Variants in LLGL1 observed in about 807,000 individuals in gnomAD.
LLGL1 encodes LLGL scribble cell polarity complex component 1.
A neutral mutation model predicts 110.6 loss-of-function variants in LLGL1; 58 were observed. That is an observed-to-expected ratio of 0.52 (90% CI 0.42 to 0.65). LLGL1 has a LOEUF of 0.65. LLGL1 is among the 30% of genes least tolerant of loss of function. LLGL1 has a pLI of 0.00. For missense variants in LLGL1, 1,229 were observed against 1,462.1 expected, an observed-to-expected ratio of 0.84 and a Z score of 2.60; for synonymous variants, 674 against 607.2, an observed-to-expected ratio of 1.11 and a Z score of -1.62.
At chr17:18,238,375 G>T (rs1466915191) in intron 15 of LLGL1, 81 bp from the exon 16 acceptor site, 2 of 1,567,170 alleles carry the variant, frequency 1.3e-6, no homozygotes, top group African/African-American at 1.3e-5. Context: ...TAGAGGAATG[G>T]TAACAGAACG....
At chr17:18,233,958 C>T in intron 5 of LLGL1, 22 bp downstream of exon 5, 1 of 1,603,608 alleles carries the variant, frequency 6.2e-7, no homozygotes, top group African/African-American at 1.3e-5. Context: ...GTGGGCTTCC[C>T]AGCACCCACT....
At chr17:18,233,699 C>T (rs896946858) in intron 4 of LLGL1, 79 bp from the exon 5 acceptor site, 4 of 1,469,538 alleles carry the variant, frequency 2.7e-6, no homozygotes, top group African/African-American at 1.4e-5. Context: ...GAGTTATCAG[C>T]AGTGGCCCAG....
intron 2 of LLGL1, among the ~76,000 whole-genome samples, chr17:18,231,422 C>CG (rs994299969): frequency 3.6e-4 from 55 of 152,322 alleles, no homozygotes; most frequent in South Asian, 6.2e-4. Context: ...GTGTTGTCAC[C>CG]GGGGCAACGT....
Position 18,232,618 on chromosome 17 carries a change from A to G in LLGL1, c.261+42A>G, listed in dbSNP as rs149646670. 289 of 1,613,896 alleles carry G rather than the reference A, an allele frequency of 1.8e-4. No homozygotes were observed. In the African/African-American group the frequency reaches 3.6e-3, roughly 20 times the overall value. On this transcript the variant is annotated intron_variant, in intron 3 of 22. Transcript: ENST00000316843. ...CACTAGCCAGCTCCCTGTGGCCCCCATATCTACTCATCCCCCTAGGCCAGC... is the reference window on the plus strand; with the variant it reads ...CACTAGCCAGCTCCCTGTGGCCCCCGTATCTACTCATCCCCCTAGGCCAGC...
Position 18,240,798 on chromosome 17 carries a change from C to G in LLGL1, c.2427C>G (p.Ala809=), listed in dbSNP as rs762170221. ...RGRPLPEPYE[A]SRDLAQAPDM... ...GCCCACTGCCCGAGCCCTACGAGGC[C>G]TCACGGGACCTGGCGCAGGCACCTG... The change falls in exon 17 of 23, where the codon GCC becomes GCG. Residue 809 remains alanine, a synonymous_variant. Coordinates refer to ENST00000316843, the MANE Select transcript of LLGL1 (RefSeq NM_004140.4). The surrounding 1 kb of genome is among the most constrained non-coding windows in gnomAD (Gnocchi z 5.3). 8 of 1,588,616 alleles carry G rather than the reference C, an allele frequency of 5.0e-6. No individual in the cohort carries two copies. The highest frequency in any genetic ancestry group is 6.9e-6 in the Non-Finnish European group (8 of 1,165,706).
chr17:18,232,880 G>T, intron 4 of LLGL1, 78 bp downstream of exon 4: 1 of 1,583,208 alleles, frequency 6.3e-7, no homozygotes, highest in South Asian at 1.1e-5. Context: ...CTGTGCAAAG[G>T]CAGCATGGAG....
rs773108580 is a variant in LLGL1 at position 18,240,327 on chromosome 17, G to A, written c.2207-251G>A. ...CTGTGCAGATGCGCTACAGCTGTTC[G>A]GGCCTCTGCAGGAGGGCTGCATCCT... is the stretch of plus-strand genomic sequence containing the variant. On this transcript the variant is annotated intron_variant, in intron 16 of 22. Transcript: ENST00000316843. The surrounding 1 kb of genome is among the most constrained non-coding windows in gnomAD (Gnocchi z 5.3). Among the ~76,000 whole-genome samples the A allele has an allele frequency of 2.6e-5, 4 of 152,118 alleles. No individual in the cohort carries two copies. Among genetic ancestry groups the A allele is most frequent in the African/African-American group, 7.2e-5 (3 of 41,394 alleles).
Position 18,234,296 on chromosome 17 carries a change from G to A in LLGL1, c.738G>A (p.Gly246=). 6.2e-7 allele frequency: 1 copy of A among 1,606,764 alleles called. No individual in the cohort carries two copies. The highest frequency in any genetic ancestry group is 1.1e-5 in the South Asian group (1 of 90,046). Residue 246 remains glycine (G), a synonymous_variant, in exon 7 of 23, where the codon GGG becomes GGA. Coordinates refer to ENST00000316843, the MANE Select transcript of LLGL1 (RefSeq NM_004140.4). ...AGCAGCTGGAGAGCCTATGCTGGGG[G>A]CGTGATAGCAGCACTGTGGTCAGCT... is the stretch of plus-strand genomic sequence containing the variant. The part of the protein sequence containing the change: ...GNQQLESLCW[G]RDSSTVVSSH...
chr17:18,240,560 C>T lies in LLGL1; in HGVS notation c.2207-18C>T, dbSNP rs199618365. ...CTGGCCCACAGGGAGCACCCTCCTA[C>T]GCGCTTGTTTTCTGCAGGGGCCCAC... On this transcript the variant is annotated intron_variant, in intron 16 of 22. Transcript: ENST00000316843. This position sits in a 1 kb window ranked among gnomAD's most constrained non-coding sequence, Gnocchi z 5.3. The T allele has an allele frequency of 8.8e-5, 138 of 1,572,524 alleles. No individual in the cohort carries two copies. In the African/African-American group the frequency reaches 1.3e-3, roughly 15 times the overall value.
chr17:18,243,066 C>T (rs1392091371), intron 22 of LLGL1, among the ~76,000 whole-genome samples: 1 of 152,108 alleles, frequency 6.6e-6, no homozygotes, highest in Non-Finnish European at 1.5e-5. Context: ...TTGCATGTGA[C>T]AGGTGGTGGT....
intron 14 of LLGL1, 127 bp from the exon 15 acceptor site, chr17:18,237,940 T>G (rs1567692892): frequency 2.3e-6 from 3 of 1,302,494 alleles, no homozygotes; most frequent in Non-Finnish European, 3.2e-6. Flanking sequence ...CACCTGCAGC[T>G]GGGTCCATAG....
At chr17:18,237,095 G>T in intron 13 of LLGL1, 156 bp downstream of exon 13, 1 of 652,796 alleles carries the variant, frequency 1.5e-6, no homozygotes, top group East Asian at 2.7e-5. Context: ...AGGACAGATG[G>T]GAAGTGGGCC....
Position 18,234,052 on chromosome 17 carries a change from C to G in LLGL1, c.591C>G (p.Pro197=), listed in dbSNP as rs145026326. The G allele has an allele frequency of 6.2e-7, 1 of 1,601,848 alleles. No individual in the cohort carries two copies. Among genetic ancestry groups the G allele is most frequent in the Admixed American group, 1.7e-5 (1 of 59,412 alleles). Residue 197 remains proline (P), a synonymous_variant, in exon 6 of 23, where the codon CCC becomes CCG. Transcript: ENST00000316843. ...DDYRCGKALG[P]VESLQGHLRD... is the part of the protein sequence containing the mutation. The stretch of plus-strand genomic sequence containing the variant: ...ACCGCTGTGGGAAGGCACTGGGCCC[C>G]GTGGAGTCACTCCAGGGACACCTGC...
chr17:18,238,099 T>C lies in LLGL1; in HGVS notation c.1937T>C (p.Met646Thr). 1 of 1,613,848 alleles carries C rather than the reference T, an allele frequency of 6.2e-7. No individual in the cohort carries two copies. Among genetic ancestry groups the C allele is most frequent in the South Asian group, 1.1e-5 (1 of 91,078 alleles). ...CTLHPNDSLAMEGPLSRVKSL... is the reference protein window; with the variant it reads ...CTLHPNDSLATEGPLSRVKSL... ...CTTCACCCCAATGACTCCCTGGCCA[T>C]GGAGGGTCCGCTCTCCCGGGTGAAG... Residue 646 changes from methionine to threonine, a missense_variant, in exon 15 of 23, where the codon ATG (methionine) becomes ACG (threonine). Transcript: ENST00000316843.
chr17:18,232,063 C>T (rs967031876), intron 2 of LLGL1, among the ~76,000 whole-genome samples: 1 of 152,232 alleles, frequency 6.6e-6, no homozygotes, highest in African/African-American at 2.4e-5. Context: ...TGGCCTTGCA[C>T]CTCTGGCCTG....
At position 18,234,656 on chromosome 17, in the gene LLGL1, T is replaced by G. The variant is rs1366405617; in HGVS notation, c.858T>G (p.Phe286Leu). 2 of 1,614,102 alleles carry G rather than the reference T, an allele frequency of 1.2e-6. No homozygotes were observed. The highest frequency in any genetic ancestry group is 1.7e-6 in the Non-Finnish European group (2 of 1,180,000). The change falls in exon 8 of 23, where the codon TTT (phenylalanine) becomes TTG (leucine). Residue 286 changes from phenylalanine (F) to leucine (L), a missense_variant. Transcript: ENST00000316843. ...PTVATTPYGP[F>L]PCKAINKILW... The stretch of plus-strand genomic sequence containing the variant: ...CGCTGTCCCACCCCTCAGGCCCCTT[T>G]CCCTGCAAGGCCATTAACAAGATTC...
At position 18,234,268 on chromosome 17, in the gene LLGL1, C is replaced by T. The variant is rs377581759; in HGVS notation, c.715-5C>T. 70 of 1,598,626 alleles carry T rather than the reference C, an allele frequency of 4.4e-5. No individual in the cohort carries two copies. The highest frequency in any genetic ancestry group is 1.5e-4 in the African/African-American group (11 of 74,620). On this transcript the variant is annotated splice_polypyrimidine_tract_variant and splice_region_variant and intron_variant, in intron 6 of 22. Coordinates refer to ENST00000316843, the MANE Select transcript of LLGL1 (RefSeq NM_004140.4). Reference sequence around the variant, plus strand: ...GCCTGCCTGCCTGCCCCTGCCTGCCCGCAGCAGCTGGAGAGCCTATGCTGG... The same window carrying T: ...GCCTGCCTGCCTGCCCCTGCCTGCCTGCAGCAGCTGGAGAGCCTATGCTGG...
chr17:18,235,856 G>A (rs192336192), intron 11 of LLGL1: 9 of 358,854 alleles, frequency 2.5e-5, no homozygotes, highest in Admixed American at 9.0e-5. Context: ...AGAGCCCAGC[G>A]TGGGCCTGGC....
Position 18,235,114 on chromosome 17 carries a change from T to G in LLGL1, c.1086T>G (p.Ala362=). Residue 362 remains alanine, a synonymous_variant, in exon 10 of 23, where the codon GCT becomes GCG. Transcript: ENST00000316843. The part of the protein sequence containing the change: ...EDEFDDPQAL[A]VLLEEELVVL... ...AATTTGATGACCCCCAGGCCCTGGC[T>G]GTGCTGCTGGAAGAGGAGCTGGTGG... 1 of 1,613,914 alleles carries G rather than the reference T, an allele frequency of 6.2e-7. No homozygotes were observed. The highest frequency in any genetic ancestry group is 1.1e-5 in the South Asian group (1 of 91,084).
Sources: allele counts gnomAD v4.1 joint callset (sites outside exome capture counted in the v4.1 genomes callset), GRCh38; gene constraint gnomAD v4.1.1; non-coding constraint Gnocchi (gnomAD v3.1); transcripts MANE v1.5; gene names NCBI Gene and HGNC (gene_info 2026-07-23, HGNC 2026-07-21).